The following HPSE variants were observed in gnomAD, a reference collection of about 807,000 sequenced individuals.
HPSE encodes the protein endo-glucoronidase.
In HPSE, 48 loss-of-function variants were observed where a neutral mutation model predicts 65.1. The ratio of observed to expected loss-of-function variants is 0.74; its 90% confidence interval spans 0.58 to 0.94. HPSE has a LOEUF of 0.94. Among genes scored for constraint, HPSE ranks in the 40% least tolerant of loss-of-function variants. The probability of loss-of-function intolerance (pLI) is 0.00; values close to 1 mark genes in which losing one functional copy is unlikely to be tolerated. For missense variants in HPSE, 644 were observed against 637.5 expected, an observed-to-expected ratio of 1.01 and a Z score of -0.11; for synonymous variants, 243 against 260.0, an observed-to-expected ratio of 0.93 and a Z score of 0.63.
intron 1 of HPSE, among the ~76,000 whole-genome samples, chr4:83,323,641 T>C (rs1405132874): frequency 6.6e-6 from 1 of 152,112 alleles, no homozygotes; most frequent in Admixed American, 6.5e-5. Context: ...CCCTTCACCA[T>C]TCCCCACCAA....
intron 3 of HPSE, among the ~76,000 whole-genome samples, chr4:83,318,225 A>G (rs1273339103): frequency 6.6e-6 from 1 of 152,246 alleles, no homozygotes; most frequent in Non-Finnish European, 1.5e-5. Flanking sequence ...TCAAAAGAAG[A>G]GCTTGAAGTA....
chr4:83,308,896 G>T lies in HPSE; in HGVS notation c.1040C>A (p.Ala347Glu). 2 of 1,614,188 alleles carry T rather than the reference G, an allele frequency of 1.2e-6. No individual in the cohort carries two copies. The highest frequency in any genetic ancestry group is 1.7e-6 in the Non-Finnish European group (2 of 1,180,022). ...TAGCAAGGGCGCTCCGCCTCCATAT[G>T]CAGAGCTTGTTTCTCCTAACCAGAC... ...KKVWLGETSS[A>E]YGGGAPLLSD... Residue 347 changes from alanine to glutamate, a missense_variant, in exon 8 of 12, where the codon GCA becomes GAA. Coordinates refer to ENST00000311412, the MANE Select transcript of HPSE (RefSeq NM_001098540.3).
Position 83,334,559 on chromosome 4 carries a change from A to T in HPSE, c.224T>A (p.Leu75Gln). 1 of 1,579,446 alleles carries T rather than the reference A, an allele frequency of 6.3e-7. No homozygotes were observed. Among genetic ancestry groups the T allele is most frequent in the Admixed American group, 1.8e-5 (1 of 54,704 alleles). Residue 75 changes from leucine to glutamine, a missense_variant, in exon 1 of 12, where the codon CTG (leucine) becomes CAG (glutamine). Coordinates refer to ENST00000311412, the MANE Select transcript of HPSE (RefSeq NM_001098540.3). The stretch of plus-strand genomic sequence containing the variant: ...GGACCAGGAGGCTGGCGCTTACCCC[A>T]GGAGGATGAGGAACCGCGGGTCCGT... The part of the protein sequence containing the change: ...LATDPRFLIL[L>Q]GSPKLRTLAR...
chr4:83,305,047 C>A (rs1168269099), intron 9 of HPSE, among the ~76,000 whole-genome samples: 1 of 152,180 alleles, frequency 6.6e-6, no homozygotes, highest in South Asian at 2.1e-4. Flanking sequence ...AAGTCACAGA[C>A]ATGTAGAGTG....
chr4:83,334,574 C>T lies in HPSE; in HGVS notation c.209G>A (p.Arg70Gln). The T allele has an allele frequency of 6.3e-7, 1 of 1,586,318 alleles. No homozygotes were observed. The change falls in exon 1 of 12, where the codon CGG becomes CAG. Residue 70 changes from arginine to glutamine, a missense_variant. Transcript: ENST00000311412. ...CGCTTACCCCAGGAGGATGAGGAAC[C>T]GCGGGTCCGTGGCCAGGTTGGCGTC... ...TIDANLATDPRFLILLGSPKL... is the reference protein window; with the variant it reads ...TIDANLATDPQFLILLGSPKL...
In HPSE at chr4:83,313,210, T is replaced by C. The variant is rs1736486837; in HGVS notation, c.577A>G (p.Arg193Gly). ...CTGTTCCACTGCAAATCTGCTGTTC[T>C]TAATAACGCATTTAGGCCAAAGATC... ...DLIFGLNALL[R>G]TADLQWNSSN... is the part of the protein sequence containing the mutation. The change falls in exon 4 of 12, where the codon AGA becomes GGA. Residue 193 changes from arginine (R) to glycine (G), a missense_variant. Arg to Gly is a moderately radical substitution (Grantham distance 125). Coordinates refer to ENST00000311412, the MANE Select transcript of HPSE (RefSeq NM_001098540.3). The C allele has an allele frequency of 6.2e-7, 1 of 1,613,990 alleles. No homozygotes were observed. The highest frequency in any genetic ancestry group is 1.1e-5 in the South Asian group (1 of 91,080).
At position 83,320,204 on chromosome 4, in the gene HPSE, G is replaced by A. The variant is rs4693608; in HGVS notation, c.374-735C>T. ...ATGGGAGGTAGGATGGGTGGGAACC[G>A]TTGACTTTTTTTCGCTTTGAATTTG... On this transcript the variant is annotated intron_variant, in intron 2 of 11. Coordinates refer to ENST00000311412, the MANE Select transcript of HPSE (RefSeq NM_001098540.3). 0.61 allele frequency among the ~76,000 whole-genome samples: 92,609 copies of A among 151,676 alleles called. 29,171 individuals carry two copies. The highest frequency in any genetic ancestry group is 0.79 in the East Asian group (4,089 of 5,152).
At position 83,310,857 on chromosome 4, in the gene HPSE, A is replaced by G. The variant is rs61755719; in HGVS notation, c.707T>C (p.Phe236Ser). ...PNSFLKKADI[F>S]INGSQLGEDF... Reference sequence around the variant, plus strand: ...TTCTCCTAACTGCGACCCATTGATGAAAATATCAGCCTTCTTAAGGAAACT... The same window carrying G: ...TTCTCCTAACTGCGACCCATTGATGGAAATATCAGCCTTCTTAAGGAAACT... The change falls in exon 5 of 12, where the codon TTC becomes TCC. Residue 236 changes from phenylalanine (F) to serine (S), a missense_variant. Physicochemically the swap from Phe to Ser is radical, Grantham distance 155 (BLOSUM62 -2). Transcript: ENST00000311412. 2.5e-6 allele frequency: 4 copies of G among 1,613,712 alleles called. No homozygotes were observed. Among genetic ancestry groups the G allele is most frequent in the Admixed American group, 1.7e-5 (1 of 59,968 alleles).
At chr4:83,296,780 A>T (rs910750008) in intron 11 of HPSE, among the ~76,000 whole-genome samples, 10 of 152,198 alleles carry the variant, frequency 6.6e-5, no homozygotes, top group Admixed American at 4.6e-4. Context: ...CACTTATAAC[A>T]GTGTCTTTTA....
intron 11 of HPSE, 71 bp from the exon 12 acceptor site, chr4:83,295,574 G>T (rs1735694691): frequency 7.6e-7 from 1 of 1,307,262 alleles, no homozygotes; most frequent in East Asian, 2.5e-5. Flanking sequence ...CAAAAGTCAT[G>T]AAATCTTTTT....
At chr4:83,328,070 G>C (rs1379016534) in intron 1 of HPSE, among the ~76,000 whole-genome samples, 1 of 152,140 alleles carries the variant, frequency 6.6e-6, no homozygotes, top group Non-Finnish European at 1.5e-5. Flanking sequence ...GACCTAAAGG[G>C]GTAAGAAAGT....
intron 10 of HPSE, among the ~76,000 whole-genome samples, chr4:83,301,838 ATTG>A (rs1399738999): frequency 6.6e-6 from 1 of 152,190 alleles, no homozygotes. Context: ...TGAAAATAAT[ATTG>A]TTGTTATTAT....
chr4:83,312,248 T>TGTAA (rs1736410058), intron 4 of HPSE, among the ~76,000 whole-genome samples: 1 of 152,186 alleles, frequency 6.6e-6, no homozygotes, highest in Non-Finnish European at 1.5e-5. Context: ...TCACTTCAAA[T>TGTAA]GTAACATAAA....
chr4:83,297,498 AGTTT>A (rs1458760890), intron 11 of HPSE, among the ~76,000 whole-genome samples: 4 of 152,110 alleles, frequency 2.6e-5, no homozygotes, highest in Non-Finnish European at 4.4e-5. Context: ...TGAGTATATT[AGTTT>A]ATTTACTTAA....
At position 83,308,394 on chromosome 4, in the gene HPSE, GA is replaced by G. The variant is rs573397210; in HGVS notation, c.1091+450del. Among the ~76,000 whole-genome samples, 901 of 150,302 alleles carry G rather than the reference GA, an allele frequency of 6.0e-3. 8 individuals are homozygous for G. Among genetic ancestry groups the G allele is most frequent in the South Asian group, 0.033 (156 of 4,760 alleles). On this transcript the variant is annotated intron_variant, in intron 8 of 11. Transcript: ENST00000311412. Reference sequence around the variant, plus strand: ...GCCCTCCAGTCTGGGTGACAGAGGGGAAAAAAAAAGACAGTCTCACTCTGTT... The same window carrying G: ...GCCCTCCAGTCTGGGTGACAGAGGGGAAAAAAAAGACAGTCTCACTCTGTT...
chr4:83,322,336 C>T lies in HPSE; in HGVS notation c.256G>A (p.Gly86Ser), dbSNP rs1386522352. 32 of 1,613,448 alleles carry T rather than the reference C, an allele frequency of 2.0e-5. No individual in the cohort carries two copies. The highest frequency in any genetic ancestry group is 2.5e-5 in the Non-Finnish European group (30 of 1,179,768). Residue 86 changes from glycine (G) to serine (S), a missense_variant, in exon 2 of 12, where the codon GGC (glycine) becomes AGC (serine). Gly to Ser is a moderately conservative substitution (Grantham distance 56, BLOSUM62 0). Coordinates refer to ENST00000311412, the MANE Select transcript of HPSE (RefSeq NM_001098540.3). ...AACCTCAGGTACGCAGGAGACAAGC[C>T]TCTGGCCAAGGTACGAAGCTTTGGA... ...GSPKLRTLARGLSPAYLRFGG... is the reference protein window; with the variant it reads ...GSPKLRTLARSLSPAYLRFGG...
rs899153378 is a variant in HPSE, at chr4:83,313,269, A to G, written c.518T>C (p.Leu173Pro). Reference protein sequence around the residue: ...STYSRSSVDVLYTFANCSGLD... With the variant: ...STYSRSSVDVPYTFANCSGLD... ...TCCTGAGCAGTTTGCAAAAGTGTAT[A>G]GCACATCTACAGAGCTTCCTAAAAG... is the stretch of plus-strand genomic sequence containing the variant. Residue 173 changes from leucine to proline, a missense_variant, in exon 4 of 12, where the codon CTA (leucine) becomes CCA (proline). By Grantham distance (98) the Leu-to-Pro change is moderately conservative. Transcript: ENST00000311412. The G allele has an allele frequency of 1.2e-6, 2 of 1,613,254 alleles. No individual in the cohort carries two copies. Among genetic ancestry groups the G allele is most frequent in the African/African-American group, 2.7e-5 (2 of 74,898 alleles).
intron 4 of HPSE, among the ~76,000 whole-genome samples, chr4:83,312,685 A>T (rs1736445340): frequency 7.1e-6 from 1 of 141,524 alleles, no homozygotes; most frequent in East Asian, 2.1e-4. Context: ...CTCAAAAAAA[A>T]AAAAAAAAAA....
At chr4:83,301,209 T>C (rs1578004734) in intron 10 of HPSE, 103 bp from the exon 11 acceptor site, 2 of 659,722 alleles carry the variant, frequency 3.0e-6, no homozygotes, top group East Asian at 5.8e-5. Context: ...ATAATGACAA[T>C]CCATAATGCA....
Sources: gnomAD v4.1 joint callset for allele counts (sites outside exome capture counted in the v4.1 genomes callset) on GRCh38, gnomAD v4.1.1 for gene constraint, MANE v1.5 for transcripts, NCBI Gene and HGNC (gene_info 2026-07-23, HGNC 2026-07-21) for gene names.